CCNI: variants seen among roughly 807,000 people sequenced by gnomAD.
The protein encoded by CCNI is cyclin I, also known as cyclin-I.
In CCNI, 14 loss-of-function variants were observed where a neutral mutation model predicts 34.1. The ratio of observed to expected loss-of-function variants is 0.41; its 90% confidence interval spans 0.27 to 0.64. CCNI has a LOEUF of 0.64. Ranked by LOEUF, CCNI falls within the 30% of genes least tolerant of loss-of-function variation. The pLI, the probability that CCNI is intolerant of heterozygous loss-of-function variation, is 0.31. For synonymous variants in CCNI, 154 were observed against 158.4 expected, an observed-to-expected ratio of 0.97 and a Z score of 0.21; for missense variants, 385 against 440.5, an observed-to-expected ratio of 0.87 and a Z score of 1.13.
chr4:77,063,123 TCTTGC>T (rs781206227), intron 2 of CCNI, among the ~76,000 whole-genome samples: 3 of 152,032 alleles, frequency 2.0e-5, no homozygotes, highest in Non-Finnish European at 4.4e-5. Context: ...TGCATAATAT[TCTTGC>T]CTGACCACAC....
intron 2 of CCNI, 55 bp from the exon 3 acceptor site, chr4:77,058,690 T>A: frequency 6.6e-7 from 1 of 1,505,264 alleles, no homozygotes; most frequent in Non-Finnish European, 9.1e-7. Flanking sequence ...TCATCAAGAG[T>A]ATGTTTAGAA....
At chr4:77,052,009 T>A (rs1727884818) in intron 6 of CCNI, among the ~76,000 whole-genome samples, 3 of 151,850 alleles carry the variant, frequency 2.0e-5, no homozygotes, top group Admixed American at 6.6e-5. Flanking sequence ...ATGTGCAGGT[T>A]TATTAACTAG....
intron 1 of CCNI, among the ~76,000 whole-genome samples, chr4:77,068,645 A>G (rs1048126478): frequency 6.6e-6 from 1 of 152,182 alleles, no homozygotes. Flanking sequence ...TCAACTATGT[A>G]CCTGTAAACT....
At chr4:77,055,010 A>T in intron 6 of CCNI, 140 bp downstream of exon 6, 1 of 569,674 alleles carries the variant, frequency 1.8e-6, no homozygotes, top group Non-Finnish European at 3.1e-6. Flanking sequence ...CGTAAATTTA[A>T]AATATATACT....
chr4:77,058,470 A>G, intron 3 of CCNI, 37 bp downstream of exon 3: 2 of 1,553,696 alleles, frequency 1.3e-6, no homozygotes, highest in Non-Finnish European at 1.8e-6. Flanking sequence ...CATACACTCA[A>G]ATGAGGTTAT....
At chr4:77,066,052 G>C (rs764587467) in intron 2 of CCNI, 197 bp downstream of exon 2, 22 of 508,926 alleles carry the variant, frequency 4.3e-5, no homozygotes, top group Non-Finnish European at 3.1e-5. Context: ...AGTGAGCTGA[G>C]ATCATGCCAC....
intron 1 of CCNI, among the ~76,000 whole-genome samples, chr4:77,068,007 G>A (rs112820302): frequency 0.013 from 2,019 of 151,734 alleles, 52 homozygotes; most frequent in African/African-American, 0.045. Flanking sequence ...TGAGACCCCC[G>A]TCTCTACTAA....
intron 2 of CCNI, among the ~76,000 whole-genome samples, chr4:77,063,344 T>TAAAAAA (rs745761323): frequency 2.6e-5 from 2 of 77,252 alleles, no homozygotes; most frequent in Non-Finnish European, 4.9e-5. Context: ...GAAAGGGAGG[T>TAAAAAA]AAAAAAAAAA....
At chr4:77,051,636 T>C (rs1727844754) in intron 6 of CCNI, among the ~76,000 whole-genome samples, 1 of 152,154 alleles carries the variant, frequency 6.6e-6, no homozygotes, top group African/African-American at 2.4e-5. Flanking sequence ...ATTTGTTCTA[T>C]AAGACACCAA....
intron 1 of CCNI, among the ~76,000 whole-genome samples, chr4:77,067,146 C>T (rs1353453135): frequency 6.6e-6 from 1 of 151,926 alleles, no homozygotes; most frequent in Admixed American, 6.6e-5. Context: ...GCAGGAGAAT[C>T]GTTTGAACCA....
chr4:77,049,225 G>T (rs1727675736), intron 6 of CCNI, among the ~76,000 whole-genome samples: 2 of 152,228 alleles, frequency 1.3e-5, no homozygotes, highest in South Asian at 4.2e-4. Flanking sequence ...GCACTAAGAT[G>T]AAATGTTTTT....
Position 77,048,024 on chromosome 4 carries a change from TTGGTC to T in CCNI, c.*190_*194del. 2.5e-6 allele frequency: 1 copy of T among 401,578 alleles called. No homozygotes were observed. Among genetic ancestry groups the T allele is most frequent in the Non-Finnish European group, 4.4e-6 (1 of 226,630 alleles). 24.9% of individuals were successfully genotyped at this position (401,578 alleles called of 1,614,324 possible). A position where few individuals can be genotyped will look rare whatever the true frequency, so the allele number is the denominator to read the frequency against. On this transcript the variant is annotated 3_prime_UTR_variant, in exon 7 of 7. Coordinates refer to ENST00000237654, the MANE Select transcript of CCNI (RefSeq NM_006835.3). ...TCTTTTGGATTTCTTTTTTTTTTTTTTGGTCTTTATGTGCTTAAATAACGCTGAAT... is the reference window on the plus strand; with the variant it reads ...TCTTTTGGATTTCTTTTTTTTTTTTTTTTATGTGCTTAAATAACGCTGAAT...
chr4:77,074,390 A>G (rs1477023652), intron 1 of CCNI, among the ~76,000 whole-genome samples: 1 of 152,188 alleles, frequency 6.6e-6, no homozygotes, highest in Admixed American at 6.5e-5. Context: ...TATTTGTCCA[A>G]TCCTTTCTAT....
At chr4:77,052,448 C>A (rs1203206631) in intron 6 of CCNI, among the ~76,000 whole-genome samples, 1 of 152,056 alleles carries the variant, frequency 6.6e-6, no homozygotes, top group Non-Finnish European at 1.5e-5. Context: ...GTTTAGCCAT[C>A]CCAGAATGGT....
At chr4:77,065,106 A>C (rs914436794) in intron 2 of CCNI, 4 of 152,262 alleles carry the variant, frequency 2.6e-5, no homozygotes, top group Non-Finnish European at 5.9e-5. Flanking sequence ...CAAGTTAACT[A>C]ATCAGTTTGC....
At chr4:77,066,074 C>G (rs190494474) in intron 2 of CCNI, 175 bp downstream of exon 2, 126 of 569,392 alleles carry the variant, frequency 2.2e-4, no homozygotes, top group South Asian at 2.0e-3. Flanking sequence ...GCACTCCAGA[C>G]TGGATGACAG....
chr4:77,058,829 A>T (rs1284235248), intron 2 of CCNI, among the ~76,000 whole-genome samples, 194 bp from the exon 3 acceptor site: 1 of 152,196 alleles, frequency 6.6e-6, no homozygotes, highest in Non-Finnish European at 1.5e-5. Flanking sequence ...ATCAATATCC[A>T]ATATTCTCCT....
At chr4:77,059,230 T>G (rs1300974089) in intron 2 of CCNI, among the ~76,000 whole-genome samples, 2 of 151,952 alleles carry the variant, frequency 1.3e-5, no homozygotes. Context: ...CACAAAACAT[T>G]ATTGTTTTAT....
In CCNI at chr4:77,066,036, G is replaced by A. The variant is rs1335552656; in HGVS notation, c.114+213C>T. ...GGATTGCTTGAGCCCGGGAGGCAGG[G>A]GTTGCAGTGAGCTGAGATCATGCCA... On this transcript the variant is annotated intron_variant, in intron 2 of 6. Coordinates refer to ENST00000237654, the MANE Select transcript of CCNI (RefSeq NM_006835.3). 4 of 452,178 alleles carry A rather than the reference G, an allele frequency of 8.8e-6. No individual in the cohort carries two copies. In the East Asian group the frequency reaches 1.8e-4, roughly 20 times the overall value. 28.0% of individuals were successfully genotyped at this position (452,178 alleles called of 1,614,324 possible). A position where few individuals can be genotyped will look rare whatever the true frequency, so the allele number is the denominator to read the frequency against.
Sources: gnomAD v4.1 joint callset for allele counts (sites outside exome capture counted in the v4.1 genomes callset) on GRCh38, gnomAD v4.1.1 for gene constraint, MANE v1.5 for transcripts, NCBI Gene and HGNC (gene_info 2026-07-23, HGNC 2026-07-21) for gene names.